Variants in KIF21A observed in about 807,000 individuals in gnomAD.
KIF21A encodes the protein kinesin family member 21A.
A neutral mutation model predicts 202.9 loss-of-function variants in KIF21A; 114 were observed. The observed-to-expected ratio is 0.56, with a 90% CI of 0.48 to 0.66. The LOEUF (loss-of-function observed/expected upper bound fraction) is 0.66. KIF21A is among the 30% of genes least tolerant of loss of function. The probability of loss-of-function intolerance (pLI) is 0.00; values close to 1 mark genes in which losing one functional copy is unlikely to be tolerated. For missense variants in KIF21A, 1,677 were observed against 1,994.9 expected, an observed-to-expected ratio of 0.84 and a Z score of 3.04; for synonymous variants, 667 against 670.8, an observed-to-expected ratio of 0.99 and a Z score of 0.09.
chr12:39,376,263 C>T (rs1331109441), intron 1 of KIF21A, among the ~76,000 whole-genome samples: 2 of 152,082 alleles, frequency 1.3e-5, no homozygotes, highest in Non-Finnish European at 2.9e-5. Flanking sequence ...GATATCTTTA[C>T]ACCTCCATTC....
chr12:39,322,635 G>A, intron 27 of KIF21A, 33 bp downstream of exon 27: 5 of 1,530,836 alleles, frequency 3.3e-6, no homozygotes, highest in Non-Finnish European at 4.5e-6. Flanking sequence ...AAAGCCAAAA[G>A]AAAAGAAGTT....
intron 1 of KIF21A, among the ~76,000 whole-genome samples, chr12:39,377,383 T>C (rs1010951624): frequency 6.6e-6 from 1 of 152,200 alleles, no homozygotes; most frequent in African/African-American, 2.4e-5. Flanking sequence ...AGCTATCATT[T>C]TGTCATCACA....
In KIF21A at chr12:39,325,897, T is replaced by G; in HGVS notation, c.3402-4A>C. On this transcript the variant is annotated splice_region_variant and splice_polypyrimidine_tract_variant and intron_variant, in intron 25 of 37. Coordinates refer to ENST00000361418, the MANE Select transcript of KIF21A (RefSeq NM_001173464.2). ...CATGAGATCTGAAGACAGCGTGCTA[T>G]GTGCAAATAAATAATTAAGCACAAG... The G allele has an allele frequency of 6.2e-7, 1 of 1,608,892 alleles. No individual in the cohort carries two copies. Among genetic ancestry groups the G allele is most frequent in the Non-Finnish European group, 8.5e-7 (1 of 1,176,128 alleles).
At chr12:39,399,209 C>T (rs906094298) in intron 1 of KIF21A, among the ~76,000 whole-genome samples, 22 of 152,128 alleles carry the variant, frequency 1.4e-4, no homozygotes, top group African/African-American at 4.8e-4. Context: ...TATAGTATAA[C>T]AATTATTTAC....
rs910271612 is a variant in KIF21A at position 39,351,818 on chromosome 12, A to G, written c.1632T>C (p.Asp544=). Reference sequence around the variant, plus strand: ...TTTCTTTTCTTTTCAACTTCTCTAAATCTTTTTTTGCTAGGTCTATAATTT... The same window carrying G: ...TTTCTTTTCTTTTCAACTTCTCTAAGTCTTTTTTTGCTAGGTCTATAATTT... ...TIEIIDLAKK[D]LEKLKRKEKR... The change falls in exon 11 of 38, where the codon GAT becomes GAC. Residue 544 remains aspartate (D), a synonymous_variant. Coordinates refer to ENST00000361418, the MANE Select transcript of KIF21A (RefSeq NM_001173464.2). 4.4e-6 allele frequency: 7 copies of G among 1,601,426 alleles called. No homozygotes were observed. The African/African-American group carries it at 5.4e-5, about 12-fold the overall frequency.
chr12:39,416,627 A>G (rs1406051430), intron 1 of KIF21A, among the ~76,000 whole-genome samples: 2 of 137,104 alleles, frequency 1.5e-5, no homozygotes, highest in African/African-American at 5.4e-5. Context: ...GTACATATAT[A>G]TGTGTATATA....
intron 29 of KIF21A, among the ~76,000 whole-genome samples, chr12:39,316,766 TA>T (rs1944593054): frequency 6.6e-6 from 1 of 152,182 alleles, no homozygotes; most frequent in Admixed American, 6.5e-5. Context: ...GAAAGTAATG[TA>T]AAGGGGTAGT....
chr12:39,398,346 C>T (rs1368656428), intron 1 of KIF21A, among the ~76,000 whole-genome samples: 3 of 152,090 alleles, frequency 2.0e-5, no homozygotes, highest in African/African-American at 7.2e-5. Flanking sequence ...ATGCCTGTAA[C>T]CCCAGCACTT....
chr12:39,332,663 G>C lies in KIF21A; in HGVS notation c.2784C>G (p.Arg928=). Residue 928 remains arginine (R), a synonymous_variant, in exon 20 of 38, where the codon CGC becomes CGG. Transcript: ENST00000361418. The part of the protein sequence containing the change: ...TARMKWQLLE[R]RVTDIIMQKM... ...TCTGCATGATGATGTCTGTGACCCT[G>C]CGCTCAAGGAGCTGCCACTTCATGC... is the stretch of plus-strand genomic sequence containing the variant. 1 of 1,613,920 alleles carries C rather than the reference G, an allele frequency of 6.2e-7. No individual in the cohort carries two copies. Among genetic ancestry groups the C allele is most frequent in the Non-Finnish European group, 8.5e-7 (1 of 1,179,928 alleles).
chr12:39,375,006 G>C (rs1274903827), intron 1 of KIF21A, among the ~76,000 whole-genome samples: 3 of 152,058 alleles, frequency 2.0e-5, no homozygotes, highest in African/African-American at 7.2e-5. Flanking sequence ...TAGGGCAAGG[G>C]ACTACTTCAT....
intron 1 of KIF21A, among the ~76,000 whole-genome samples, chr12:39,434,573 AG>A (rs1250615412): frequency 2.6e-5 from 4 of 152,230 alleles, no homozygotes; most frequent in Non-Finnish European, 5.9e-5. Flanking sequence ...CAAATTTATC[AG>A]GGGTAAGAGT....
chr12:39,341,712 G>A (rs569893876), intron 13 of KIF21A, 90 bp from the exon 14 acceptor site: 49 of 1,372,192 alleles, frequency 3.6e-5, no homozygotes, highest in African/African-American at 2.9e-4. Context: ...TACAAAGTAC[G>A]GAAACATAAA....
chr12:39,293,606 A>G lies in KIF21A; in HGVS notation c.*818T>C, dbSNP rs1942038519. On this transcript the variant is annotated 3_prime_UTR_variant, in exon 38 of 38. Coordinates refer to ENST00000361418, the MANE Select transcript of KIF21A (RefSeq NM_001173464.2). Reference sequence around the variant, plus strand: ...AAAATTAGATAAAAGGGAAGGAAATACTACTATTAAATAAAAACAAAATTA... The same window carrying G: ...AAAATTAGATAAAAGGGAAGGAAATGCTACTATTAAATAAAAACAAAATTA... The G allele has an allele frequency of 1.3e-5, 2 of 152,580 alleles. No homozygotes were observed. The highest frequency in any genetic ancestry group is 4.8e-5 in the African/African-American group (2 of 41,462). 9.5% of individuals were successfully genotyped at this position (152,580 alleles called of 1,614,324 possible).
intron 1 of KIF21A, among the ~76,000 whole-genome samples, chr12:39,409,007 TTTG>T (rs976347875): frequency 7.9e-5 from 12 of 151,858 alleles, no homozygotes; most frequent in Admixed American, 5.9e-4. Flanking sequence ...TTTTTATTTT[TTTG>T]TTGTTGTTGT....
chr12:39,429,502 C>T (rs1955017850), intron 1 of KIF21A, among the ~76,000 whole-genome samples: 1 of 151,976 alleles, frequency 6.6e-6, no homozygotes, highest in South Asian at 2.1e-4. Context: ...AAAAGGGGGC[C>T]CAAGTGAAGA....
chr12:39,344,966 C>A (rs1195088372), intron 12 of KIF21A, among the ~76,000 whole-genome samples: 1 of 152,128 alleles, frequency 6.6e-6, no homozygotes, highest in Non-Finnish European at 1.5e-5. Context: ...AACCAGTTAT[C>A]CTGACTCCCA....
At chr12:39,331,584 ATCT>A (rs1946510205) in intron 22 of KIF21A, 103 bp downstream of exon 22, 1 of 791,778 alleles carries the variant, frequency 1.3e-6, no homozygotes. Context: ...ATTATGAATA[ATCT>A]TCTTCCTTAT....
In KIF21A at chr12:39,442,057, A is replaced by T. The variant is rs1939713322; in HGVS notation, c.44+870T>A. On this transcript the variant is annotated intron_variant, in intron 1 of 37. Transcript: ENST00000361418. The surrounding 1 kb of genome is among the most constrained non-coding windows in gnomAD (Gnocchi z 5.0). ...GAGCTTTCCTTCTTGATAAGTATCA[A>T]AACAGCCGAAATTACATCGAATACT... Among the ~76,000 whole-genome samples the T allele has an allele frequency of 6.6e-6, 1 of 152,196 alleles. No homozygotes were observed. The highest frequency in any genetic ancestry group is 6.5e-5 in the Admixed American group (1 of 15,278).
chr12:39,332,171 G>T, intron 21 of KIF21A, 43 bp downstream of exon 21: 1 of 1,548,462 alleles, frequency 6.5e-7, no homozygotes, highest in Non-Finnish European at 8.9e-7. Flanking sequence ...CAATACAAAA[G>T]TACTTTTCAT....
Sources: gnomAD v4.1 joint callset for allele counts (sites outside exome capture counted in the v4.1 genomes callset) on GRCh38, gnomAD v4.1.1 for gene constraint, Gnocchi (gnomAD v3.1) non-coding constraint, MANE v1.5 for transcripts, NCBI Gene and HGNC (gene_info 2026-07-23, HGNC 2026-07-21) for gene names.